Variants in PLCD3 observed in about 807,000 individuals in gnomAD.
The protein encoded by PLCD3 is 1-phosphatidylinositol 4,5-bisphosphate phosphodiesterase delta-3.
A neutral mutation model predicts 82.8 loss-of-function variants in PLCD3; 62 were observed. The observed-to-expected ratio is 0.75, with a 90% CI of 0.61 to 0.93. The LOEUF (loss-of-function observed/expected upper bound fraction) is 0.93. Among genes scored for constraint, PLCD3 ranks in the 40% least tolerant of loss-of-function variants. PLCD3 has a pLI of 0.00. For synonymous variants in PLCD3, 478 were observed against 471.8 expected (o/e 1.01, Z -0.17); for missense variants, 1,023 against 1,103.4 (o/e 0.93, Z 1.03).
rs370249973 is a variant in PLCD3, at chr17:45,112,370, TG to T, written c.*245del. ...GGGGTGGGCTGAGGACAAGAGGAGC[TG>T]GGGCCATCTCAGGGCCCCAGGGTTG... On this transcript the variant is annotated 3_prime_UTR_variant, in exon 15 of 15. Transcript: ENST00000619929. 183 of 546,922 alleles carry T rather than the reference TG, an allele frequency of 3.3e-4. No individual in the cohort carries two copies. The highest frequency in any genetic ancestry group is 3.2e-3 in the African/African-American group (167 of 52,736). 33.9% of individuals were successfully genotyped at this position (546,922 alleles called of 1,614,324 possible).
At chr17:45,121,424 C>G (rs2054340112) in intron 1 of PLCD3, 52 bp from the exon 2 acceptor site, 1 of 1,437,862 alleles carries the variant, frequency 7.0e-7, no homozygotes, top group Admixed American at 2.7e-5. Flanking sequence ...CCAGAGGCTC[C>G]CCTGCCCTCC....
Position 45,118,203 on chromosome 17 carries a change from G to A in PLCD3, c.1116-65C>T. On this transcript the variant is annotated intron_variant, in intron 6 of 14. Transcript: ENST00000619929. This position sits in a 1 kb window ranked among gnomAD's most constrained non-coding sequence, Gnocchi z 4.1. ...AGAGTGCCACAGAGCAGGGCAGCAG[G>A]CAGGCTGGGCCAGGAAGGCCCCAGG... 2 of 1,611,620 alleles carry A rather than the reference G, an allele frequency of 1.2e-6. No homozygotes were observed. The highest frequency in any genetic ancestry group is 1.7e-6 in the Non-Finnish European group (2 of 1,178,298).
chr17:45,114,224 C>T lies in PLCD3; in HGVS notation c.1828+26G>A, dbSNP rs772451188. ...CCCCCACACTGTGGCACCCCGCCTG[C>T]TCTCATTCCTGTGGCCCCCACTTAC... On this transcript the variant is annotated intron_variant, in intron 11 of 14. Transcript: ENST00000619929. 1.0e-5 allele frequency: 15 copies of T among 1,502,428 alleles called. No individual in the cohort carries two copies. The South Asian group carries it at 1.3e-4, about 13-fold the overall frequency. 93.1% of individuals were successfully genotyped at this position (1,502,428 alleles called of 1,614,324 possible).
intron 3 of PLCD3, 127 bp from the exon 4 acceptor site, chr17:45,120,581 C>T: frequency 8.0e-7 from 1 of 1,248,634 alleles, no homozygotes; most frequent in Non-Finnish European, 1.1e-6. Context: ...TCCCCTTGGC[C>T]TGTGCACTCC....
rs1410634990 is a variant in PLCD3 at position 45,114,251 on chromosome 17, C to T, written c.1827G>A (p.Leu609=). 5 of 1,532,842 alleles carry T rather than the reference C, an allele frequency of 3.3e-6. No individual in the cohort carries two copies. In the South Asian group the frequency reaches 6.1e-5, roughly 19 times the overall value. 95.0% of individuals were successfully genotyped at this position (1,532,842 alleles called of 1,614,324 possible). A position where few individuals can be genotyped will look rare whatever the true frequency, so the allele number is the denominator to read the frequency against. Residue 609 remains leucine (L), a splice_region_variant and synonymous_variant, in exon 11 of 15, where the codon CTG becomes CTA. Transcript: ENST00000619929. Reference sequence around the variant, plus strand: ...CTCATTCCTGTGGCCCCCACTTACCCAGCTGACAGCCCGAGTTCCACATCT... The same window carrying T: ...CTCATTCCTGTGGCCCCCACTTACCTAGCTGACAGCCCGAGTTCCACATCT... The part of the protein sequence containing the change: ...PQEMWNSGCQ[L]VALNFQTPGY...
At chr17:45,125,058 G>A (rs1265942731) in intron 1 of PLCD3, among the ~76,000 whole-genome samples, 1 of 151,810 alleles carries the variant, frequency 6.6e-6, no homozygotes, top group Non-Finnish European at 1.5e-5. Context: ...TGGGCATGGT[G>A]GCTCACACCT....
intron 8 of PLCD3, 127 bp downstream of exon 8, chr17:45,116,505 G>T: frequency 9.5e-7 from 1 of 1,047,826 alleles, no homozygotes; most frequent in Non-Finnish European, 1.3e-6. Flanking sequence ...GATGAACAGA[G>T]GAACAGAGAA....
At chr17:45,114,972 C>T (rs2054277196) in intron 10 of PLCD3, 122 bp downstream of exon 10, 2 of 1,368,468 alleles carry the variant, frequency 1.5e-6, no homozygotes, top group Non-Finnish European at 1.9e-6. Context: ...TCAGCCCAGC[C>T]CCTCTTTGGG....
In PLCD3 at chr17:45,132,455, G is replaced by A. The variant is rs936801909; in HGVS notation, c.-45C>T. The A allele has an allele frequency of 5.2e-6, 6 of 1,146,706 alleles. No homozygotes were observed. In the African/African-American group the frequency reaches 8.1e-5, roughly 16 times the overall value. 71.0% of individuals were successfully genotyped at this position (1,146,706 alleles called of 1,614,324 possible). A position where few individuals can be genotyped will look rare whatever the true frequency, so the allele number is the denominator to read the frequency against. ...GCCGGGCCCGGGGTCTGCACGCGGG[G>A]ACAGGGCAGCGGGGCGCCGCTCTGG... On this transcript the variant is annotated 5_prime_UTR_variant, in exon 1 of 15. Transcript: ENST00000619929. This position sits in a 1 kb window ranked among gnomAD's most constrained non-coding sequence, Gnocchi z 4.6.
In PLCD3 at chr17:45,124,905, A is replaced by ACCC. The variant is rs2054369614; in HGVS notation, c.164-3536_164-3534dup. On this transcript the variant is annotated intron_variant, in intron 1 of 14. Transcript: ENST00000619929. ...AAACGAAAGCCAAAAGGTGGAAACA[A>ACCC]CCCGAGTGCTCATCAACAGATGAGC... Among the ~76,000 whole-genome samples, 3 of 152,338 alleles carry ACCC rather than the reference A, an allele frequency of 2.0e-5. No homozygotes were observed. The South Asian group carries it at 6.2e-4, about 32-fold the overall frequency.
chr17:45,130,654 C>G (rs1484609517), intron 1 of PLCD3, among the ~76,000 whole-genome samples: 3 of 152,154 alleles, frequency 2.0e-5, no homozygotes, highest in African/African-American at 7.2e-5. Context: ...GGTCCCCACC[C>G]CTTGCCCAAC....
In PLCD3 at chr17:45,121,306, C is replaced by G. The variant is rs776046275; in HGVS notation, c.230G>C (p.Arg77Pro). 3 of 1,574,084 alleles carry G rather than the reference C, an allele frequency of 1.9e-6. No homozygotes were observed. The African/African-American group carries it at 4.0e-5, about 21-fold the overall frequency. ...GTACAGCCGCTCCTTGTGCCACGTG[C>G]GCGAGCGGATCTTGCGGAGCCGGGA... ...RGSRLRKIRS[R>P]TWHKERLYRL... Residue 77 changes from arginine to proline, a missense_variant, in exon 2 of 15, where the codon CGC becomes CCC. This residue lies in a region of PLCD3 where 448 missense variants were observed against 406.3 expected (regional missense o/e 1.10). Coordinates refer to ENST00000619929, the MANE Select transcript of PLCD3 (RefSeq NM_133373.5).
chr17:45,126,045 A>AT (rs71275948), intron 1 of PLCD3, among the ~76,000 whole-genome samples: 26,600 of 138,520 alleles, frequency 0.19, 2,540 homozygotes, highest in East Asian at 0.32. Context: ...ATTTTACCAT[A>AT]TTTTTTTTTT....
At chr17:45,116,860 C>A (rs779197562) in intron 7 of PLCD3, 76 bp from the exon 8 acceptor site, 22 of 1,458,954 alleles carry the variant, frequency 1.5e-5, no homozygotes, top group Non-Finnish European at 1.9e-5. Flanking sequence ...GCTCCCAGAC[C>A]CTTCAGGACA....
rs188604899 is a variant in PLCD3 at position 45,118,259 on chromosome 17, C to T, written c.1115+32G>A. 636 of 1,612,994 alleles carry T rather than the reference C, an allele frequency of 3.9e-4. 6 individuals carry two copies. The East Asian group carries it at 7.4e-3, about 19-fold the overall frequency. ...AGCCCATGTCTCTCCCCAGGTGGGG[C>T]TCCCGGAAACATTCACCCCCTGCTA... On this transcript the variant is annotated intron_variant, in intron 6 of 14. Transcript: ENST00000619929. The surrounding 1 kb of genome is among the most constrained non-coding windows in gnomAD (Gnocchi z 4.1).
chr17:45,113,108 C>T lies in PLCD3; in HGVS notation c.2131+14G>A. The T allele has an allele frequency of 2.5e-6, 4 of 1,613,346 alleles. No homozygotes were observed. The highest frequency in any genetic ancestry group is 3.4e-6 in the Non-Finnish European group (4 of 1,179,628). On this transcript the variant is annotated intron_variant, in intron 13 of 14. Transcript: ENST00000619929. ...CAGTCTCCCCCAACCCCACTTCCGC[C>T]AGTGGCTGCCCACCATTGTTGAGCA...
intron 7 of PLCD3, 79 bp from the exon 8 acceptor site, chr17:45,116,863 T>C: frequency 6.9e-7 from 1 of 1,454,716 alleles, no homozygotes; most frequent in South Asian, 1.5e-5. Flanking sequence ...CCCAGACCCT[T>C]CAGGACAGGC....
intron 2 of PLCD3, 40 bp from the exon 3 acceptor site, chr17:45,121,170 T>TC: frequency 6.5e-7 from 1 of 1,536,774 alleles, no homozygotes; most frequent in Non-Finnish European, 8.7e-7. Flanking sequence ...ACCGGGCCTG[T>TC]CCCCACCTCC....
intron 4 of PLCD3, 43 bp from the exon 5 acceptor site, chr17:45,119,086 G>GAGGAGGCA: frequency 6.7e-7 from 1 of 1,502,660 alleles, no homozygotes; most frequent in African/African-American, 1.4e-5. Context: ...AGACACTCCA[G>GAGGAGGCA]GAAACCTGGC....
Sources: allele counts gnomAD v4.1 joint callset (sites outside exome capture counted in the v4.1 genomes callset), GRCh38; gene constraint gnomAD v4.1.1; regional missense constraint gnomAD v4.1.1; non-coding constraint Gnocchi (gnomAD v3.1); transcripts MANE v1.5; gene names NCBI Gene and HGNC (gene_info 2026-07-23, HGNC 2026-07-21).